Variants in IMPDH1 observed in about 807,000 individuals in gnomAD.
The protein encoded by IMPDH1 is inosine monophosphate dehydrogenase 1.
In IMPDH1, 41 loss-of-function variants were observed where a neutral mutation model predicts 73.5. That is an observed-to-expected ratio of 0.56 (90% CI 0.43 to 0.72). The LOEUF is 0.72. IMPDH1 is among the 30% of genes least tolerant of loss of function. IMPDH1 has a pLI of 0.00. For missense variants in IMPDH1, 645 were observed against 824.8 expected (o/e 0.78, Z 2.67); for synonymous variants, 318 against 334.3 (o/e 0.95, Z 0.53).
In IMPDH1 at chr7:128,394,771, C is replaced by G; in HGVS notation, c.1550+118G>C. On this transcript the variant is annotated intron_variant, in intron 14 of 16. Transcript: ENST00000338791. The surrounding 1 kb of genome is among the most constrained non-coding windows in gnomAD (Gnocchi z 5.5). ...CTGGGTCTGCTACTTAAGCCCTGTG[C>G]CTCAGTTTCCAGAACCACCATATGG... 1 of 1,442,320 alleles carries G rather than the reference C, an allele frequency of 6.9e-7. No individual in the cohort carries two copies. Among genetic ancestry groups the G allele is most frequent in the Admixed American group, 1.7e-5 (1 of 58,472 alleles). 89.3% of individuals were successfully genotyped at this position (1,442,320 alleles called of 1,614,324 possible). A position where few individuals can be genotyped will look rare whatever the true frequency, so the allele number is the denominator to read the frequency against.
Position 128,400,107 on chromosome 7 carries a change from G to T in IMPDH1, c.862C>A (p.Arg288Ser). 2 of 1,612,296 alleles carry T rather than the reference G, an allele frequency of 1.2e-6. No homozygotes were observed. Among genetic ancestry groups the T allele is most frequent in the Non-Finnish European group, 8.5e-7 (1 of 1,179,286 alleles). Residue 288 changes from arginine (R) to serine (S), a missense_variant, in exon 9 of 17, where the codon CGT becomes AGT. Physicochemically the swap from Arg to Ser is moderately radical, Grantham distance 110. Around this residue, in one of 2 missense-constraint regions of IMPDH1, gnomAD observed 459 missense variants for 638.2 expected, o/e 0.72. Coordinates refer to ENST00000338791, the MANE Select transcript of IMPDH1 (RefSeq NM_000883.4). The stretch of plus-strand genomic sequence containing the variant: ...AGCTCCCTGGTACCTTTCTTGCTAC[G>T]CTGCAGGATCTCATTTGCCTCTTTC... ...TLKEANEILQ[R>S]SKKGKLPIVN...
rs544932432 is a variant in IMPDH1, at chr7:128,409,498, G to A, written c.147-14C>T. On this transcript the variant is annotated splice_polypyrimidine_tract_variant and intron_variant, in intron 1 of 16. Coordinates refer to ENST00000338791, the MANE Select transcript of IMPDH1 (RefSeq NM_000883.4). ...TCCAATCTAGGGCTAAGATTTTAGG[G>A]AAGGTTTTTACGACCTGTTCCCTCT... 1.7e-5 allele frequency: 28 copies of A among 1,614,148 alleles called. No individual in the cohort carries two copies. In the South Asian group the frequency reaches 2.9e-4, roughly 16 times the overall value.
chr7:128,409,907 G>C lies in IMPDH1; in HGVS notation c.-6C>G. The C allele has an allele frequency of 7.1e-7, 1 of 1,405,628 alleles. No individual in the cohort carries two copies. Among genetic ancestry groups the C allele is most frequent in the Non-Finnish European group, 9.2e-7 (1 of 1,083,216 alleles). 87.1% of individuals were successfully genotyped at this position (1,405,628 alleles called of 1,614,324 possible). A position where few individuals can be genotyped will look rare whatever the true frequency, so the allele number is the denominator to read the frequency against. On this transcript the variant is annotated 5_prime_UTR_variant, in exon 1 of 17. Coordinates refer to ENST00000338791, the MANE Select transcript of IMPDH1 (RefSeq NM_000883.4). ...GGAGTGAGTGGCCCCTCCATGCGGAGGCCGCAGCTCAGGGCGGGCGGGAGC... is the reference window on the plus strand; with the variant it reads ...GGAGTGAGTGGCCCCTCCATGCGGACGCCGCAGCTCAGGGCGGGCGGGAGC...
intron 16 of IMPDH1, chr7:128,393,776 C>T (rs770898069): frequency 7.9e-5 from 20 of 252,762 alleles, no homozygotes; most frequent in South Asian, 1.5e-4. Flanking sequence ...ACAGGTTAGA[C>T]GCCCGCTGAT....
chr7:128,394,374 T>A lies in IMPDH1; in HGVS notation c.1695-13A>T. ...GTACATCATGGACCTAGGAGGAAGG[T>A]AGGTGGAGCAGATCAGGGCCACCAA... On this transcript the variant is annotated splice_polypyrimidine_tract_variant and intron_variant, in intron 15 of 16. Coordinates refer to ENST00000338791, the MANE Select transcript of IMPDH1 (RefSeq NM_000883.4). This position sits in a 1 kb window ranked among gnomAD's most constrained non-coding sequence, Gnocchi z 5.5. 6.2e-7 allele frequency: 1 copy of A among 1,613,464 alleles called. No individual in the cohort carries two copies. Among genetic ancestry groups the A allele is most frequent in the Non-Finnish European group, 8.5e-7 (1 of 1,179,720 alleles).
chr7:128,406,302 CACCCCCCA>C (rs1798768071), intron 3 of IMPDH1, among the ~76,000 whole-genome samples: 1 of 3,788 alleles, frequency 2.6e-4, no homozygotes, highest in African/African-American at 1.1e-3. Flanking sequence ...CACACCCCCA[CACCCCCCA>C]CCCCCCCCAC....
At chr7:128,397,664 C>G (rs1354758130) in intron 10 of IMPDH1, among the ~76,000 whole-genome samples, 1 of 152,088 alleles carries the variant, frequency 6.6e-6, no homozygotes, top group Non-Finnish European at 1.5e-5. Flanking sequence ...AAGCCTTTAT[C>G]TTTATTCTAC....
At chr7:128,401,892 T>C (rs1219799320) in intron 5 of IMPDH1, among the ~76,000 whole-genome samples, 1 of 152,186 alleles carries the variant, frequency 6.6e-6, no homozygotes, top group Non-Finnish European at 1.5e-5. Context: ...AGGCCAACAG[T>C]AGTGGATCCC....
intron 5 of IMPDH1, among the ~76,000 whole-genome samples, chr7:128,402,185 C>T (rs941176500): frequency 3.9e-5 from 6 of 152,124 alleles, no homozygotes; most frequent in African/African-American, 1.2e-4. Flanking sequence ...TCACTGCAAC[C>T]TCCGCCTCCC....
chr7:128,405,966 C>A (rs1160733127), intron 3 of IMPDH1, 101 bp from the exon 4 acceptor site: 157 of 1,025,340 alleles, frequency 1.5e-4, no homozygotes, highest in Non-Finnish European at 1.8e-4. Flanking sequence ...CGCGGCCACG[C>A]TGCTGCCGCG....
chr7:128,394,477 G>A lies in IMPDH1; in HGVS notation c.1673C>T (p.Ala558Val). Residue 558 changes from alanine to valine, a missense_variant, in exon 15 of 17, where the codon GCC (alanine) becomes GTC (valine). Physicochemically the swap from Ala to Val is moderately conservative, Grantham distance 64. Coordinates refer to ENST00000338791, the MANE Select transcript of IMPDH1 (RefSeq NM_000883.4). The surrounding 1 kb of genome is among the most constrained non-coding windows in gnomAD (Gnocchi z 5.5). ...TCACCGAAGGACAGACAGGCTGCGGGCCCCGATATCCTGGCAGCCGTGTTG... is the reference window on the plus strand; with the variant it reads ...TCACCGAAGGACAGACAGGCTGCGGACCCCGATATCCTGGCAGCCGTGTTG... ...GIQHGCQDIG[A>V]RSLSVLRSMM... 6.2e-7 allele frequency: 1 copy of A among 1,614,094 alleles called. No individual in the cohort carries two copies. The highest frequency in any genetic ancestry group is 8.5e-7 in the Non-Finnish European group (1 of 1,180,006).
intron 16 of IMPDH1, 75 bp from the exon 17 acceptor site, chr7:128,393,103 G>C: frequency 6.6e-7 from 1 of 1,510,606 alleles, no homozygotes; most frequent in Non-Finnish European, 9.2e-7. Context: ...CTTTCCCCAG[G>C]GCCCCCAGAT....
At chr7:128,404,301 CAG>C (rs1389289606) in intron 4 of IMPDH1, among the ~76,000 whole-genome samples, 1 of 152,106 alleles carries the variant, frequency 6.6e-6, no homozygotes, top group Admixed American at 6.5e-5. Context: ...CATGTTCTGA[CAG>C]AGCAGAACAG....
rs762575513 is a variant in IMPDH1 at position 128,395,002 on chromosome 7, C to T, written c.1437G>A (p.Thr479=). The change falls in exon 14 of 17, where the codon ACG becomes ACA. Residue 479 remains threonine, a synonymous_variant. Transcript: ENST00000338791. ...AGAAGAAGTACTCGCCAGGGGCCTC[C>T]GTAGTGGCGGCCAGCAGGGAGCCCA... ...VMMGSLLAAT[T]EAPGEYFFSD... 5.0e-6 allele frequency: 8 copies of T among 1,614,056 alleles called. No homozygotes were observed. Among genetic ancestry groups the T allele is most frequent in the East Asian group, 2.2e-5 (1 of 44,878 alleles).
intron 3 of IMPDH1, among the ~76,000 whole-genome samples, chr7:128,406,206 G>T (rs1456194618): frequency 1.3e-5 from 2 of 150,738 alleles, no homozygotes; most frequent in Non-Finnish European, 3.0e-5. Context: ...GGCTGCGGGG[G>T]AGAGTACCGG....
chr7:128,393,164 C>CAGG, intron 16 of IMPDH1, 136 bp from the exon 17 acceptor site: 1 of 969,412 alleles, frequency 1.0e-6, no homozygotes, highest in Non-Finnish European at 1.6e-6. Context: ...CCGTACGGCG[C>CAGG]AGGAGGAGGG....
chr7:128,409,701 C>T, intron 1 of IMPDH1, 55 bp downstream of exon 1: 1 of 1,520,758 alleles, frequency 6.6e-7, no homozygotes, highest in Non-Finnish European at 8.8e-7. Context: ...AGCCGCCGCG[C>T]CCTCCTCGGC....
rs1233739487 is a variant in IMPDH1 at position 128,408,935 on chromosome 7, G to C, written c.254+354C>G. ...TTCTTACATAAGCGGCCAACCCCTG[G>C]GCAGAGCTGCCGGGCTAATTCCCCC... On this transcript the variant is annotated intron_variant, in intron 3 of 16. Transcript: ENST00000338791. 2.0e-5 allele frequency among the ~76,000 whole-genome samples: 3 copies of C among 152,154 alleles called. No homozygotes were observed. In the East Asian group the frequency reaches 5.8e-4, roughly 29 times the overall value.
intron 3 of IMPDH1, among the ~76,000 whole-genome samples, chr7:128,407,965 T>C (rs925911486): frequency 3.3e-5 from 5 of 152,106 alleles, no homozygotes; most frequent in African/African-American, 7.2e-5. Context: ...TCCTCATCAC[T>C]CTAAGCTGCT....
Sources: gnomAD v4.1 joint callset for allele counts (sites outside exome capture counted in the v4.1 genomes callset) on GRCh38, gnomAD v4.1.1 for gene constraint, gnomAD v4.1.1 regional missense constraint, Gnocchi (gnomAD v3.1) non-coding constraint, MANE v1.5 for transcripts, NCBI Gene and HGNC (gene_info 2026-07-23, HGNC 2026-07-21) for gene names.